The following PDCD6IP variants were observed in gnomAD, a reference collection of about 807,000 sequenced individuals.
PDCD6IP encodes programmed cell death 6 interacting protein.
Under a neutral mutation model 103.7 loss-of-function variants are expected in PDCD6IP, and 43 were observed. The ratio of observed to expected loss-of-function variants is 0.41; its 90% CI spans 0.32 to 0.53. The LOEUF (loss-of-function observed/expected upper bound fraction) is 0.53, where lower values mean the gene tolerates loss of function less well. Ranked by LOEUF, PDCD6IP falls within the 20% of genes least tolerant of loss-of-function variation. The pLI is 0.16. For missense variants in PDCD6IP, 871 were observed against 1,036.7 expected (o/e 0.84, Z 2.20); for synonymous variants, 354 against 378.7 (o/e 0.93, Z 0.76).
intron 9 of PDCD6IP, among the ~76,000 whole-genome samples, chr3:33,840,710 A>G (rs1194986993): frequency 6.6e-6 from 1 of 152,190 alleles, no homozygotes; most frequent in Non-Finnish European, 1.5e-5. Context: ...AGGAATTGTT[A>G]TTGTGCTACA....
rs527909349 is a variant in PDCD6IP, at chr3:33,826,645, A to G, written c.717+65A>G. On this transcript the variant is annotated intron_variant, in intron 6 of 17. Transcript: ENST00000307296. ...GTGAAATATTTAGACTTTTTTGTGT[A>G]TAAGAAGCAAGTTGAAACTTATAAA... is the stretch of plus-strand genomic sequence containing the variant. The G allele has an allele frequency of 4.7e-5, 75 of 1,590,924 alleles. No homozygotes were observed. In the Middle Eastern group the frequency reaches 1.7e-3, roughly 36 times the overall value.
In PDCD6IP at chr3:33,798,703, C is replaced by G. The variant is rs1405305389; in HGVS notation, c.-26C>G. 6.6e-7 allele frequency: 1 copy of G among 1,524,646 alleles called. No homozygotes were observed. The highest frequency in any genetic ancestry group is 8.9e-7 in the Non-Finnish European group (1 of 1,129,044). The allele number at this position is 1,524,646 out of a possible 1,614,324, so 94.4% of individuals were successfully genotyped here. ...CGTAAGCTGTCCGCGGTCTGTTTGG[C>G]CCGAACGGCGGCGGAGGCGCTGATC... On this transcript the variant is annotated 5_prime_UTR_variant, in exon 1 of 18. Coordinates refer to ENST00000307296, the MANE Select transcript of PDCD6IP (RefSeq NM_013374.6).
intron 1 of PDCD6IP, among the ~76,000 whole-genome samples, chr3:33,808,147 G>A (rs959676363): frequency 5.9e-5 from 9 of 152,200 alleles, no homozygotes; most frequent in African/African-American, 2.2e-4. Context: ...AGAATCCTTT[G>A]AGAGAAAAGA....
At chr3:33,822,821 A>T (rs1257095858) in intron 4 of PDCD6IP, among the ~76,000 whole-genome samples, 1 of 151,770 alleles carries the variant, frequency 6.6e-6, no homozygotes, top group Non-Finnish European at 1.5e-5. Context: ...TCGCCTGGCT[A>T]ATTTTTTTTG....
intron 6 of PDCD6IP, 136 bp downstream of exon 6, chr3:33,826,716 T>A: frequency 1.5e-6 from 2 of 1,359,324 alleles, no homozygotes; most frequent in South Asian, 3.2e-5. Flanking sequence ...ATAGTAGAAA[T>A]AGTTTTTTTT....
At chr3:33,809,753 C>G (rs190754215) in intron 1 of PDCD6IP, among the ~76,000 whole-genome samples, 69 of 152,314 alleles carry the variant, frequency 4.5e-4, no homozygotes, top group Middle Eastern at 3.4e-3. Flanking sequence ...TCTCTTTAAT[C>G]TCCTTCAATC....
intron 15 of PDCD6IP, 118 bp from the exon 16 acceptor site, chr3:33,863,888 C>T (rs1196600243): frequency 5.8e-6 from 4 of 694,568 alleles, no homozygotes; most frequent in Non-Finnish European, 1.0e-5. Flanking sequence ...TTTTAAAATA[C>T]CATCATTGTT....
intron 7 of PDCD6IP, among the ~76,000 whole-genome samples, chr3:33,835,043 A>T (rs1294285086): frequency 6.6e-6 from 1 of 152,184 alleles, no homozygotes; most frequent in Non-Finnish European, 1.5e-5. Flanking sequence ...GAAATTTTAC[A>T]TCTTTCTGGC....
In PDCD6IP at chr3:33,836,246, C is replaced by A; in HGVS notation, c.1037C>A (p.Pro346His). 6.2e-7 allele frequency: 1 copy of A among 1,602,706 alleles called. No homozygotes were observed. Among genetic ancestry groups the A allele is most frequent in the Non-Finnish European group, 8.5e-7 (1 of 1,170,088 alleles). Residue 346 changes from proline (P) to histidine (H), a missense_variant, in exon 8 of 18, where the codon CCC becomes CAC. Physicochemically the swap from Pro to His is moderately conservative, Grantham distance 77 (BLOSUM62 -2). Transcript: ENST00000307296. ...GTGAAATCTACCCCGGTCAATGTAC[C>A]CATCAGTCAGAAATTTACTGGTATG... is the stretch of plus-strand genomic sequence containing the variant. ...TLVKSTPVNV[P>H]ISQKFTDLFE...
At chr3:33,815,641 A>G (rs1438840591) in intron 3 of PDCD6IP, among the ~76,000 whole-genome samples, 1 of 152,206 alleles carries the variant, frequency 6.6e-6, no homozygotes, top group African/African-American at 2.4e-5. Flanking sequence ...CAGACTTTTC[A>G]GAGGTGAAGT....
chr3:33,848,476 C>T (rs1356908488), intron 12 of PDCD6IP, among the ~76,000 whole-genome samples: 1 of 151,536 alleles, frequency 6.6e-6, no homozygotes, highest in East Asian at 1.9e-4. Context: ...GCAATCTTGG[C>T]TCACTGCAAC....
chr3:33,834,591 T>C (rs1183070939), intron 7 of PDCD6IP, among the ~76,000 whole-genome samples: 1 of 152,224 alleles, frequency 6.6e-6, no homozygotes, highest in East Asian at 1.9e-4. Context: ...ATTTCTATTT[T>C]ACGAAGATTT....
At chr3:33,835,928 A>T (rs546372221) in intron 7 of PDCD6IP, 116 bp from the exon 8 acceptor site, 1 of 632,480 alleles carries the variant, frequency 1.6e-6, no homozygotes, top group East Asian at 2.7e-5. Flanking sequence ...CTGGAAATGC[A>T]AGTCTTCAGA....
rs1330874870 is a variant in PDCD6IP at position 33,825,314 on chromosome 3, A to T, written c.590A>T (p.Glu197Val). The part of the protein sequence containing the change: ...LSLIMLAQAQ[E>V]VFFLKATRDK... ...CTTATTATGCTGGCACAGGCTCAAG[A>T]AGTATTTTTTTTAAAAGCCACAAGA... Residue 197 changes from glutamate to valine, a missense_variant, in exon 5 of 18, where the codon GAA becomes GTA. Physicochemically the swap from Glu to Val is moderately radical, Grantham distance 121. Transcript: ENST00000307296. 6.2e-7 allele frequency: 1 copy of T among 1,604,982 alleles called. No homozygotes were observed. Among genetic ancestry groups the T allele is most frequent in the Non-Finnish European group, 8.5e-7 (1 of 1,178,066 alleles).
At chr3:33,852,080 C>G (rs1349103066) in intron 12 of PDCD6IP, among the ~76,000 whole-genome samples, 2 of 152,338 alleles carry the variant, frequency 1.3e-5, no homozygotes, top group Admixed American at 1.3e-4. Flanking sequence ...ACTTAGGTCT[C>G]AAATTTCACC....
At chr3:33,818,121 T>TG (rs1696899151) in intron 3 of PDCD6IP, among the ~76,000 whole-genome samples, 1 of 144,602 alleles carries the variant, frequency 6.9e-6, no homozygotes, top group Non-Finnish European at 1.5e-5. Context: ...TTTTTTTTTT[T>TG]GGAGAACAGT....
intron 7 of PDCD6IP, among the ~76,000 whole-genome samples, chr3:33,833,355 T>G (rs967085286): frequency 1.3e-5 from 2 of 152,104 alleles, no homozygotes; most frequent in Non-Finnish European, 2.9e-5. Flanking sequence ...TTGATTGATA[T>G]GCCCTCTAAA....
rs374644579 is a variant in PDCD6IP at position 33,798,921 on chromosome 3, C to A, written c.193C>A (p.Leu65Ile). The A allele has an allele frequency of 1.3e-6, 2 of 1,539,626 alleles. No individual in the cohort carries two copies. The change falls in exon 1 of 18, where the codon CTC becomes ATC. Residue 65 changes from leucine (L) to isoleucine (I), a missense_variant. By Grantham distance (5) the Leu-to-Ile change is conservative. Transcript: ENST00000307296. ...GRPLDKHEGALETLLRYYDQI... is the reference protein window; with the variant it reads ...GRPLDKHEGAIETLLRYYDQI... ...TCCGCTGGACAAGCACGAGGGCGCG[C>A]TCGAGACGCTCCTGAGGTGGGCGCG...
chr3:33,866,515 C>T lies in PDCD6IP; in HGVS notation c.2597C>T (p.Pro866Leu). The change falls in exon 18 of 18, where the codon CCA becomes CTA. Residue 866 changes from proline (P) to leucine (L), a missense_variant. Pro to Leu is a moderately conservative substitution (Grantham distance 98, BLOSUM62 -3). Coordinates refer to ENST00000307296, the MANE Select transcript of PDCD6IP (RefSeq NM_013374.6). Reference protein sequence around the residue: ...FPQPPQQSYYPQQ With the variant: ...FPQPPQQSYYLQQ ...CAGCCCCCACAGCAGTCTTACTATC[C>T]ACAGCAGTAATATGTCTGCTCAGCA... 6.2e-7 allele frequency: 1 copy of T among 1,603,670 alleles called. No homozygotes were observed. The highest frequency in any genetic ancestry group is 8.5e-7 in the Non-Finnish European group (1 of 1,176,782).
Sources: allele counts gnomAD v4.1 joint callset (sites outside exome capture counted in the v4.1 genomes callset), GRCh38; gene constraint gnomAD v4.1.1; transcripts MANE v1.5; gene names NCBI Gene and HGNC (gene_info 2026-07-23, HGNC 2026-07-21).